PCDH9: variants seen among roughly 807,000 people sequenced by gnomAD.
PCDH9 encodes the protein protocadherin 9.
PCDH9 carries 24 observed loss-of-function variants against 70.6 expected under a neutral mutation model. The observed-to-expected ratio is 0.34, with a 90% CI of 0.25 to 0.48. The LOEUF is 0.48. Among genes scored for constraint, PCDH9 ranks in the 20% least tolerant of loss-of-function variants. PCDH9 has a pLI of 0.99. For synonymous variants in PCDH9, 562 were observed against 558.5 expected, an observed-to-expected ratio of 1.01 and a Z score of -0.09; for missense variants, 1,281 against 1,503.6, an observed-to-expected ratio of 0.85 and a Z score of 2.45.
At chr13:66,937,706 C>T (rs540137343) in intron 2 of PCDH9, among the ~76,000 whole-genome samples, 1 of 152,330 alleles carries the variant, frequency 6.6e-6, no homozygotes, top group African/African-American at 2.4e-5. Flanking sequence ...GACCATACTT[C>T]AACCACTCAT....
intron 4 of PCDH9, among the ~76,000 whole-genome samples, chr13:66,499,294 T>A (rs956461399): frequency 6.6e-6 from 1 of 152,168 alleles, no homozygotes; most frequent in African/African-American, 2.4e-5. Context: ...AAAGCAGATT[T>A]TTTTTATTTC....
intron 2 of PCDH9, among the ~76,000 whole-genome samples, chr13:66,994,475 T>C (rs1269958612): frequency 1.3e-5 from 2 of 152,152 alleles, no homozygotes; most frequent in African/African-American, 4.8e-5. Context: ...ACAAAGCTGG[T>C]GGGTTTGGAG....
chr13:66,737,537 G>T (rs184348698), intron 3 of PCDH9, among the ~76,000 whole-genome samples: 1 of 152,154 alleles, frequency 6.6e-6, no homozygotes, highest in African/African-American at 2.4e-5. Context: ...AGCTCCCAGC[G>T]TGAGCGACGC....
chr13:67,060,790 T>C (rs2138125681), intron 2 of PCDH9, among the ~76,000 whole-genome samples: 1 of 152,144 alleles, frequency 6.6e-6, no homozygotes, highest in South Asian at 2.1e-4. Context: ...CTTTCCTAGG[T>C]GATGTGAACT....
At chr13:67,178,965 T>C (rs1263020844) in intron 2 of PCDH9, among the ~76,000 whole-genome samples, 2 of 152,140 alleles carry the variant, frequency 1.3e-5, no homozygotes, top group African/African-American at 4.8e-5. Flanking sequence ...AAAGGCTTAC[T>C]TAATTTTCCT....
At chr13:66,849,298 A>G (rs2081268722) in intron 3 of PCDH9, among the ~76,000 whole-genome samples, 1 of 152,008 alleles carries the variant, frequency 6.6e-6, no homozygotes, top group Non-Finnish European at 1.5e-5. Context: ...TTGTTAAATT[A>G]TAGGTTGCAA....
chr13:66,656,346 A>C (rs1328158922), intron 3 of PCDH9, among the ~76,000 whole-genome samples: 1 of 152,292 alleles, frequency 6.6e-6, no homozygotes, highest in East Asian at 1.9e-4. Context: ...GAAGGCTTGC[A>C]ATTTCCATAT....
intron 4 of PCDH9, among the ~76,000 whole-genome samples, chr13:66,426,607 A>C (rs1388914562): frequency 6.6e-6 from 1 of 151,620 alleles, no homozygotes; most frequent in African/African-American, 2.4e-5. Context: ...TATAATTATA[A>C]AAATTAATTG....
In PCDH9 at chr13:67,030,227, C is replaced by T. The variant is rs114121237; in HGVS notation, c.3037-126622G>A. The stretch of plus-strand genomic sequence containing the variant: ...AACCAATAATGAATTATTTTCAATA[C>T]ACACAAATGGGCATAGTTGGAGACA... On this transcript the variant is annotated intron_variant, in intron 2 of 4. Coordinates refer to ENST00000377865, the MANE Select transcript of PCDH9 (RefSeq NM_203487.3). Among the ~76,000 whole-genome samples, 1,048 of 152,264 alleles carry T rather than the reference C, an allele frequency of 6.9e-3. 13 individuals carry two copies. The highest frequency in any genetic ancestry group is 0.024 in the African/African-American group (1,006 of 41,548).
At chr13:66,809,758 C>A (rs1251801153) in intron 3 of PCDH9, among the ~76,000 whole-genome samples, 1 of 145,474 alleles carries the variant, frequency 6.9e-6, no homozygotes, top group Non-Finnish European at 1.5e-5. Context: ...TTTTGTAATT[C>A]CAGCAATAGC....
At chr13:66,561,803 A>G (rs889565240) in intron 4 of PCDH9, among the ~76,000 whole-genome samples, 15 of 152,192 alleles carry the variant, frequency 9.9e-5, no homozygotes, top group Non-Finnish European at 1.5e-4. Flanking sequence ...AATCAGCAGG[A>G]TGTGGGTGGG....
chr13:66,554,727 C>A (rs1281555500), intron 4 of PCDH9, among the ~76,000 whole-genome samples: 1 of 151,378 alleles, frequency 6.6e-6, no homozygotes, highest in Non-Finnish European at 1.5e-5. Context: ...GAAAGAGATA[C>A]TAAAGATTAA....
intron 4 of PCDH9, among the ~76,000 whole-genome samples, chr13:66,332,816 A>C (rs1034637596): frequency 1.3e-5 from 2 of 150,406 alleles, no homozygotes; most frequent in Non-Finnish European, 2.9e-5. Context: ...AGGCATATAT[A>C]TATATGTATA....
intron 2 of PCDH9, among the ~76,000 whole-genome samples, chr13:67,195,136 T>C (rs1461923822): frequency 6.6e-6 from 1 of 151,570 alleles, no homozygotes; most frequent in African/African-American, 2.4e-5. Flanking sequence ...TCTTGACTAT[T>C]ATTTTCATAC....
intron 2 of PCDH9, among the ~76,000 whole-genome samples, chr13:67,018,779 C>A (rs1047646295): frequency 6.6e-6 from 1 of 152,116 alleles, no homozygotes; most frequent in Admixed American, 6.6e-5. Context: ...AGTCTCTCTG[C>A]CTCTATTCTC....
chr13:66,617,501 A>T (rs925173509), intron 4 of PCDH9, among the ~76,000 whole-genome samples: 2 of 152,150 alleles, frequency 1.3e-5, no homozygotes, highest in African/African-American at 4.8e-5. Context: ...CACTCCCCTC[A>T]GATGCATCCT....
At chr13:66,425,206 T>C (rs1339862690) in intron 4 of PCDH9, among the ~76,000 whole-genome samples, 1 of 151,668 alleles carries the variant, frequency 6.6e-6, no homozygotes, top group Admixed American at 6.6e-5. Context: ...ACATTTGATC[T>C]CTCTCTCTCT....
intron 2 of PCDH9, among the ~76,000 whole-genome samples, chr13:66,964,824 A>AT (rs1446384756): frequency 6.6e-6 from 1 of 151,544 alleles, no homozygotes. Context: ...TCATGTTGTA[A>AT]TTTTTTTTGA....
intron 2 of PCDH9, 81 bp downstream of exon 2, chr13:67,225,324 A>C: frequency 6.8e-7 from 1 of 1,461,268 alleles, no homozygotes; most frequent in Non-Finnish European, 9.5e-7. Flanking sequence ...AGACCAAAAC[A>C]ATAGACATAC....
Sources: allele counts gnomAD v4.1 joint callset (sites outside exome capture counted in the v4.1 genomes callset), GRCh38; gene constraint gnomAD v4.1.1; transcripts MANE v1.5; gene names NCBI Gene and HGNC (gene_info 2026-07-23, HGNC 2026-07-21).